Variants in UGT1A10 observed in about 807,000 individuals in gnomAD.
UGT1A10 encodes the protein UDP glucuronosyltransferase family 1 member A10.
Under a neutral mutation model 45.8 loss-of-function variants are expected in UGT1A10, and 49 were observed. The ratio of observed to expected loss-of-function variants is 1.07; its 90% CI spans 0.85 to 1.36. The LOEUF is 1.36. Among genes scored for constraint, UGT1A10 ranks in the 40% most tolerant of loss-of-function variants. The probability of loss-of-function intolerance (pLI) is 0.00; values close to 1 mark genes in which losing one functional copy is unlikely to be tolerated. For synonymous variants in UGT1A10, 284 were observed against 249.7 expected, an observed-to-expected ratio of 1.14 and a Z score of -1.29; for missense variants, 745 against 668.6, an observed-to-expected ratio of 1.11 and a Z score of -1.26.
rs762367100 is a variant in UGT1A10 at position 233,719,280 on chromosome 2, G to T, written c.856-47754G>T. 2.2e-5 allele frequency: 35 copies of T among 1,613,952 alleles called. No individual in the cohort carries two copies. The highest frequency in any genetic ancestry group is 5.0e-5 in the Admixed American group (3 of 59,980). On this transcript the variant is annotated intron_variant, in intron 1 of 4. Coordinates refer to ENST00000344644, the MANE Select transcript of UGT1A10 (RefSeq NM_019075.4). ...CTTTGATGTGGTTTTAACAGACCCC[G>T]TTAACCTCTGTGGGGCGGTGCTGGC...
chr2:233,712,254 C>T (rs1465603390), intron 1 of UGT1A10, among the ~76,000 whole-genome samples: 2 of 152,330 alleles, frequency 1.3e-5, no homozygotes, highest in Admixed American at 1.3e-4. Flanking sequence ...GGTTGTCTTG[C>T]ACATGTGTGC....
intron 1 of UGT1A10, chr2:233,682,107 T>C (rs2074558272): frequency 6.2e-7 from 1 of 1,614,026 alleles, no homozygotes; most frequent in African/African-American, 1.3e-5. Flanking sequence ...GAGGTGGTCG[T>C]AGTCATGCCA....
intron 1 of UGT1A10, among the ~76,000 whole-genome samples, chr2:233,698,201 C>A (rs1027505391): frequency 6.6e-6 from 1 of 152,102 alleles, no homozygotes; most frequent in African/African-American, 2.4e-5. Context: ...TATCAACATG[C>A]ACTTTTAATT....
intron 1 of UGT1A10, chr2:233,693,596 A>C: frequency 1.2e-6 from 2 of 1,614,214 alleles, no homozygotes; most frequent in Non-Finnish European, 1.7e-6. Context: ...GTGCTACACA[A>C]AGTTTTCAGA....
At chr2:233,696,872 A>G (rs1458006526) in intron 1 of UGT1A10, among the ~76,000 whole-genome samples, 1 of 152,208 alleles carries the variant, frequency 6.6e-6, no homozygotes, top group Admixed American at 6.5e-5. Flanking sequence ...TTCAGCATCT[A>G]CAACATATGA....
chr2:233,719,860 C>G (rs995167263), intron 1 of UGT1A10, among the ~76,000 whole-genome samples: 4 of 152,118 alleles, frequency 2.6e-5, no homozygotes, highest in African/African-American at 9.7e-5. Flanking sequence ...TCAGTGGTCA[C>G]TGAGAGGAAG....
intron 1 of UGT1A10, among the ~76,000 whole-genome samples, chr2:233,705,974 G>A (rs7564360): frequency 0.94 from 142,961 of 152,236 alleles, 67,221 homozygotes; most frequent in East Asian, 1. Context: ...CTGTGGTTCC[G>A]GCTACTCAGG....
rs200788361 is a variant in UGT1A10, at chr2:233,713,487, T to C, written c.856-53547T>C. ...CGCGGCGGTGCTGGCTAAGTACCTG[T>C]CGATTCCTGCTGTGTTTTTCTTGAG... On this transcript the variant is annotated intron_variant, in intron 1 of 4. Transcript: ENST00000344644. 2.0e-5 allele frequency: 33 copies of C among 1,614,038 alleles called. No homozygotes were observed. The East Asian group carries it at 7.1e-4, about 35-fold the overall frequency.
At chr2:233,673,722 A>G (rs1250797749) in intron 1 of UGT1A10, among the ~76,000 whole-genome samples, 2 of 151,992 alleles carry the variant, frequency 1.3e-5, no homozygotes, top group Admixed American at 6.6e-5. Context: ...GTACAGGACA[A>G]TTTTTCCATT....
intron 1 of UGT1A10, among the ~76,000 whole-genome samples, chr2:233,668,549 A>C (rs1447696059): frequency 6.6e-6 from 1 of 152,236 alleles, no homozygotes; most frequent in Non-Finnish European, 1.5e-5. Flanking sequence ...ACCATGATTT[A>C]TAATCCTTTG....
rs772206499 is a variant in UGT1A10 at position 233,636,955 on chromosome 2, G to A, written c.433G>A (p.Val145Met). ...CTTAAAGGAGAGTTCTTTTGATGCA[G>A]TGTTTCTGGATCCTTTTGATACCTG... ...EYLKESSFDAVFLDPFDTCGL... is the reference protein window; with the variant it reads ...EYLKESSFDAMFLDPFDTCGL... The change falls in exon 1 of 5, where the codon GTG (valine) becomes ATG (methionine). Residue 145 changes from valine (V) to methionine (M), a missense_variant. Val to Met is a conservative substitution (Grantham distance 21). Transcript: ENST00000344644. 6.8e-6 allele frequency: 11 copies of A among 1,614,012 alleles called. No homozygotes were observed. The highest frequency in any genetic ancestry group is 2.7e-5 in the African/African-American group (2 of 74,890).
At chr2:233,712,842 C>T (rs11689628) in intron 1 of UGT1A10, 42,041 of 1,510,292 alleles carry the variant, frequency 0.028, 621 homozygotes, top group African/African-American at 0.045. Flanking sequence ...TATAGATTAA[C>T]GGGTAATAAG....
chr2:233,645,142 G>T (rs1559322531), intron 1 of UGT1A10, among the ~76,000 whole-genome samples: 1 of 152,266 alleles, frequency 6.6e-6, no homozygotes, highest in East Asian at 1.9e-4. Context: ...CAGGGACAAA[G>T]CATCGATGAA....
intron 1 of UGT1A10, among the ~76,000 whole-genome samples, chr2:233,714,805 A>G (rs1160418646): frequency 6.6e-6 from 1 of 152,250 alleles, no homozygotes; most frequent in Non-Finnish European, 1.5e-5. Flanking sequence ...CTCAATATTC[A>G]TATGTAGTTA....
chr2:233,688,171 A>G (rs910523847), intron 1 of UGT1A10, among the ~76,000 whole-genome samples: 4 of 152,186 alleles, frequency 2.6e-5, no homozygotes, highest in African/African-American at 7.2e-5. Context: ...CATTTCATGG[A>G]AATGGAAGCC....
chr2:233,736,505 A>G (rs530894832), intron 1 of UGT1A10, among the ~76,000 whole-genome samples: 2 of 152,202 alleles, frequency 1.3e-5, no homozygotes, highest in South Asian at 2.1e-4. Flanking sequence ...TCTGAAGCCT[A>G]CTTCTGTCAA....
At chr2:233,764,352 G>A (rs1698541814) in intron 1 of UGT1A10, among the ~76,000 whole-genome samples, 1 of 152,214 alleles carries the variant, frequency 6.6e-6, no homozygotes, top group Admixed American at 6.5e-5. Context: ...CCTTTATTGA[G>A]CCTCATAGTA....
At chr2:233,661,991 C>T (rs527358193) in intron 1 of UGT1A10, among the ~76,000 whole-genome samples, 7 of 152,058 alleles carry the variant, frequency 4.6e-5, no homozygotes, top group South Asian at 2.1e-4. Flanking sequence ...CAGCCTCACA[C>T]GGCGTACTGA....
At chr2:233,719,407 A>G (rs775904501) in intron 1 of UGT1A10, 11 of 1,613,816 alleles carry the variant, frequency 6.8e-6, no homozygotes, top group African/African-American at 5.3e-5. Context: ...TATATTCCTA[A>G]GTTACTAACG....
Sources: gnomAD v4.1 joint callset for allele counts (sites outside exome capture counted in the v4.1 genomes callset) on GRCh38, gnomAD v4.1.1 for gene constraint, MANE v1.5 for transcripts, NCBI Gene and HGNC (gene_info 2026-07-23, HGNC 2026-07-21) for gene names.